The following BAIAP2 variants were observed in gnomAD, a reference collection of about 807,000 sequenced individuals.
BAIAP2 encodes the protein BAR/IMD domain-containing adapter protein 2.
A neutral mutation model predicts 63.0 loss-of-function variants in BAIAP2; 18 were observed. The observed-to-expected ratio is 0.29, with a 90% confidence interval of 0.20 to 0.42. The LOEUF (loss-of-function observed/expected upper bound fraction) is 0.42. BAIAP2 is among the 10% of genes least tolerant of loss of function. The pLI is 1.00. For synonymous variants in BAIAP2, 386 were observed against 307.6 expected (o/e 1.25, Z -2.67); for missense variants, 610 against 734.3 (o/e 0.83, Z 1.96).
At chr17:81,085,934 C>T (rs1180308328) in intron 5 of BAIAP2, among the ~76,000 whole-genome samples, 2 of 152,268 alleles carry the variant, frequency 1.3e-5, no homozygotes, top group Non-Finnish European at 2.9e-5. Flanking sequence ...TTGCCTCTGA[C>T]GCCCCACATG....
intron 13 of BAIAP2, chr17:81,110,864 A>G (rs750092931): frequency 5.0e-6 from 8 of 1,611,126 alleles, no homozygotes; most frequent in Non-Finnish European, 6.8e-6. Flanking sequence ...TGCACCCCCG[A>G]GTCCTCAGAC....
chr17:81,110,643 G>GT, intron 13 of BAIAP2: 6 of 1,232,752 alleles, frequency 4.9e-6, no homozygotes, highest in Non-Finnish European at 6.2e-6. Flanking sequence ...GCTTGCACAC[G>GT]GTGCTGGCCC....
rs1320400746 is a variant in BAIAP2 at position 81,116,435 on chromosome 17, C to T, written c.*596C>T. 6 of 1,229,938 alleles carry T rather than the reference C, an allele frequency of 4.9e-6. No homozygotes were observed. In the Admixed American group the frequency reaches 1.1e-4, roughly 24 times the overall value. The allele number at this position is 1,229,938 out of a possible 1,614,324, so 76.2% of individuals were successfully genotyped here. A position where few individuals can be genotyped will look rare whatever the true frequency, so the allele number is the denominator to read the frequency against. ...CTCCCACTGGCAATGTCACAAGGGC[C>T]TCCCCAGGCCCCTCCTGCCTCGGGC... On this transcript the variant is annotated 3_prime_UTR_variant, in exon 14 of 14. Transcript: ENST00000428708.
chr17:81,114,404 G>A (rs1330355970), intron 13 of BAIAP2, among the ~76,000 whole-genome samples: 1 of 152,126 alleles, frequency 6.6e-6, no homozygotes, highest in Non-Finnish European at 1.5e-5. Context: ...CATCAGTGAT[G>A]GAGGTGGAAT....
At chr17:81,067,314 G>A (rs756386326) in intron 3 of BAIAP2, among the ~76,000 whole-genome samples, 1 of 152,234 alleles carries the variant, frequency 6.6e-6, no homozygotes, top group Admixed American at 6.5e-5. Flanking sequence ...GGCCCCCACC[G>A]CCTGTTCGCA....
chr17:81,055,574 G>GTTTTTTGTTTTTTTTTGTTTTTT lies in BAIAP2; in HGVS notation c.130+1837_130+1838insGTTTTTTTTTGTTTTTTTTTTTT, dbSNP rs370775327. Reference sequence around the variant, plus strand: ...CCAGCGAAAGTCTGCAGGGTGTTTTGTTTTTTTTTGAGACGGAGTCTCACT... The same window carrying GTTTTTTGTTTTTTTTTGTTTTTT: ...CCAGCGAAAGTCTGCAGGGTGTTTTGTTTTTTGTTTTTTTTTGTTTTTTTTTTTTTTTGAGACGGAGTCTCACT... On this transcript the variant is annotated intron_variant, in intron 2 of 13. Transcript: ENST00000428708. Among the ~76,000 whole-genome samples the GTTTTTTGTTTTTTTTTGTTTTTT allele has an allele frequency of 1.2e-3, 150 of 123,398 alleles. 3 individuals are homozygous for GTTTTTTGTTTTTTTTTGTTTTTT. The Middle Eastern group carries it at 0.012, about 10-fold the overall frequency. 81.0% of individuals were successfully genotyped at this position (123,398 alleles called of 152,430 possible).
At chr17:81,067,321 C>G (rs1038472667) in intron 3 of BAIAP2, among the ~76,000 whole-genome samples, 2 of 152,362 alleles carry the variant, frequency 1.3e-5, no homozygotes, top group East Asian at 1.9e-4. Flanking sequence ...ACCGCCTGTT[C>G]GCAGAGGCGC....
At chr17:81,103,275 G>T (rs914316456) in intron 7 of BAIAP2, among the ~76,000 whole-genome samples, 1 of 152,258 alleles carries the variant, frequency 6.6e-6, no homozygotes, top group Non-Finnish European at 1.5e-5. Context: ...CATCCCTGGA[G>T]GTCCCCCGAC....
Position 81,035,193 on chromosome 17 carries a change from G to A in BAIAP2, c.-62G>A. 5 of 1,367,898 alleles carry A rather than the reference G, an allele frequency of 3.7e-6. No homozygotes were observed. Among genetic ancestry groups the A allele is most frequent in the South Asian group, 2.9e-5 (2 of 69,390 alleles). 84.7% of individuals were successfully genotyped at this position (1,367,898 alleles called of 1,614,324 possible). A position where few individuals can be genotyped will look rare whatever the true frequency, so the allele number is the denominator to read the frequency against. ...TCGTCTCCGTCCTGCTGCCGTTACC[G>A]CCGCTGCTGCCGCCGCTTGCGTCCC... On this transcript the variant is annotated 5_prime_UTR_variant, in exon 1 of 14. Coordinates refer to ENST00000428708, the MANE Select transcript of BAIAP2 (RefSeq NM_001144888.2).
chr17:81,109,825 C>A (rs566643010), intron 13 of BAIAP2: 1 of 985,456 alleles, frequency 1.0e-6, no homozygotes, highest in East Asian at 1.1e-4. Flanking sequence ...CCCCACATTC[C>A]TTTGACCAGC....
chr17:81,036,002 C>T (rs970747026), intron 1 of BAIAP2: 1 of 152,214 alleles, frequency 6.6e-6, no homozygotes, highest in African/African-American at 2.4e-5. Flanking sequence ...GACGTGCCTG[C>T]CTTTGCTTCA....
intron 6 of BAIAP2, among the ~76,000 whole-genome samples, chr17:81,098,532 C>T (rs568231827): frequency 6.6e-6 from 1 of 152,154 alleles, no homozygotes; most frequent in African/African-American, 2.4e-5. Context: ...GTTGTGCGAT[C>T]ACCACCACCA....
At chr17:81,101,614 C>CA in intron 7 of BAIAP2, among the ~76,000 whole-genome samples, 1 of 150,454 alleles carries the variant, frequency 6.6e-6, no homozygotes, top group Middle Eastern at 3.5e-3. Context: ...CCACCACACT[C>CA]TCATGTACGT....
At chr17:81,088,945 G>A (rs1173962372) in intron 6 of BAIAP2, among the ~76,000 whole-genome samples, 6 of 152,312 alleles carry the variant, frequency 3.9e-5, no homozygotes, top group African/African-American at 9.6e-5. Flanking sequence ...AGGCCCCCAC[G>A]CAGTCACTGT....
chr17:81,062,589 C>T (rs1362416324), intron 3 of BAIAP2, among the ~76,000 whole-genome samples: 1 of 152,060 alleles, frequency 6.6e-6, no homozygotes, highest in Non-Finnish European at 1.5e-5. Flanking sequence ...GCAGAGTCAG[C>T]TTCTCCTCCT....
intron 1 of BAIAP2, chr17:81,036,833 A>G: frequency 1.3e-6 from 2 of 1,508,330 alleles, no homozygotes; most frequent in Non-Finnish European, 1.8e-6. Context: ...ATTAGTCATT[A>G]GCTCCATTAC....
chr17:81,050,606 G>C (rs2048514648), intron 1 of BAIAP2, among the ~76,000 whole-genome samples: 1 of 152,152 alleles, frequency 6.6e-6, no homozygotes, highest in Admixed American at 6.5e-5. Flanking sequence ...AAGCGCGTGG[G>C]GCTCTTGTGA....
chr17:81,087,770 TCTC>T (rs889681909), intron 6 of BAIAP2: 60 of 152,234 alleles, frequency 3.9e-4, no homozygotes, highest in African/African-American at 1.4e-3. Context: ...CTCAGGCCGT[TCTC>T]TAGGGTGCCC....
At chr17:81,072,279 C>T (rs2037289337) in intron 3 of BAIAP2, among the ~76,000 whole-genome samples, 1 of 152,254 alleles carries the variant, frequency 6.6e-6, no homozygotes, top group African/African-American at 2.4e-5. Flanking sequence ...CAACAATGTT[C>T]CTTGATTCCC....
Sources: gnomAD v4.1 joint callset for allele counts (sites outside exome capture counted in the v4.1 genomes callset) on GRCh38, gnomAD v4.1.1 for gene constraint, MANE v1.5 for transcripts, NCBI Gene and HGNC (gene_info 2026-07-23, HGNC 2026-07-21) for gene names.